Variants in SLC25A48 observed in about 807,000 individuals in gnomAD.
The protein encoded by SLC25A48 is solute carrier family 25 member 48.
SLC25A48 carries 29 observed loss-of-function variants against 32.2 expected under a neutral mutation model. The ratio of observed to expected loss-of-function variants is 0.90; its 90% CI spans 0.67 to 1.23. The LOEUF (loss-of-function observed/expected upper bound fraction) is 1.23. Ranked by LOEUF, SLC25A48 falls within the 50% of genes most tolerant of loss-of-function variation. The probability of loss-of-function intolerance (pLI) is 0.00; values close to 1 mark genes in which losing one functional copy is unlikely to be tolerated. For missense variants in SLC25A48, 399 were observed against 422.7 expected, an observed-to-expected ratio of 0.94 and a Z score of 0.49; for synonymous variants, 164 against 172.3, an observed-to-expected ratio of 0.95 and a Z score of 0.38.
At chr5:135,635,472 G>A (rs1378446306) in intron 3 of SLC25A48, among the ~76,000 whole-genome samples, 1 of 152,198 alleles carries the variant, frequency 6.6e-6, no homozygotes, top group Non-Finnish European at 1.5e-5. Flanking sequence ...CTCCAGCTGG[G>A]ATAAGAGATG....
At chr5:135,860,743 A>G (rs1760708498) in intron 4 of SLC25A48, among the ~76,000 whole-genome samples, 1 of 152,158 alleles carries the variant, frequency 6.6e-6, no homozygotes, top group African/African-American at 2.4e-5. Flanking sequence ...GGGCATTTCT[A>G]GGCAGCCTTG....
chr5:135,686,122 ATCT>A (rs1561790466), intron 3 of SLC25A48, among the ~76,000 whole-genome samples: 1 of 152,166 alleles, frequency 6.6e-6, no homozygotes, highest in East Asian at 1.9e-4. Flanking sequence ...CTGGGTTCAA[ATCT>A]TCTCATCACC....
chr5:135,619,139 G>A (rs1447051071), intron 1 of SLC25A48, among the ~76,000 whole-genome samples: 3 of 151,746 alleles, frequency 2.0e-5, no homozygotes, highest in Non-Finnish European at 4.4e-5. Context: ...ATGAATATTT[G>A]GTCACTTTAT....
At position 135,624,438 on chromosome 5, in the gene SLC25A48, AAG is replaced by A. The variant is rs564435207; in HGVS notation, c.-848-4794_-848-4793del. 1.6e-3 allele frequency among the ~76,000 whole-genome samples: 246 copies of A among 152,360 alleles called. 3 individuals carry two copies. Among genetic ancestry groups the A allele is most frequent in the African/African-American group, 5.6e-3 (232 of 41,582 alleles). ...GCATTGAATGAGTAAAACTAAGTAA[AAG>A]AGAGTCATTTTCATGTTAATATGGA... On this transcript the variant is annotated intron_variant, in intron 1 of 10. Coordinates refer to the SLC25A48 transcript ENST00000646290.
In SLC25A48 at chr5:135,880,752, C is replaced by T. The variant is rs139571635; in HGVS notation, c.*7+655C>T. Among the ~76,000 whole-genome samples, 68 of 152,244 alleles carry T rather than the reference C, an allele frequency of 4.5e-4. 1 individual carries two copies. Among genetic ancestry groups the T allele is most frequent in the Middle Eastern group, 3.4e-3 (1 of 294 alleles). On this transcript the variant is annotated intron_variant, in intron 7 of 7. Transcript: ENST00000681962. ...CTCCTCACCACTGTTCTGAATGTCC[C>T]GCCGTCTCTCTCACCCCTAGGTCTT...
At chr5:135,663,939 C>T (rs967201408) in intron 3 of SLC25A48, among the ~76,000 whole-genome samples, 11 of 152,324 alleles carry the variant, frequency 7.2e-5, no homozygotes, top group Admixed American at 5.2e-4. Context: ...GCACTGATGT[C>T]CTCCACCACG....
At chr5:135,636,862 C>T (rs982242376) in intron 3 of SLC25A48, among the ~76,000 whole-genome samples, 3 of 152,196 alleles carry the variant, frequency 2.0e-5, no homozygotes, top group Non-Finnish European at 4.4e-5. Context: ...AACCAAGCCA[C>T]GTTCTGCATC....
chr5:135,879,599 A>AGT (rs1435731336), intron 6 of SLC25A48, among the ~76,000 whole-genome samples: 3,955 of 138,662 alleles, frequency 0.029, 69 homozygotes, highest in Non-Finnish European at 0.041. Flanking sequence ...AGAGAGAGAG[A>AGT]GAGAGAGAGA....
chr5:135,760,337 A>G (rs1363892900), intron 3 of SLC25A48, among the ~76,000 whole-genome samples: 1 of 152,106 alleles, frequency 6.6e-6, no homozygotes, highest in African/African-American at 2.4e-5. Context: ...GATCCCACTC[A>G]GGTGTGGCGG....
chr5:135,766,777 T>C (rs1229671913), intron 3 of SLC25A48, among the ~76,000 whole-genome samples: 2 of 151,744 alleles, frequency 1.3e-5, no homozygotes, highest in Non-Finnish European at 2.9e-5. Context: ...GTTCATAATA[T>C]ACGGGGTGGG....
At chr5:135,873,694 C>T (rs556524887) in intron 5 of SLC25A48, among the ~76,000 whole-genome samples, 5 of 152,222 alleles carry the variant, frequency 3.3e-5, no homozygotes, top group East Asian at 3.9e-4. Flanking sequence ...AATACTGCCA[C>T]GTCTCGAGCA....
chr5:135,607,401 G>A (rs576828563), intron 1 of SLC25A48, among the ~76,000 whole-genome samples: 8 of 152,122 alleles, frequency 5.3e-5, no homozygotes, highest in Admixed American at 1.3e-4. Flanking sequence ...ATGTGTGCAC[G>A]CATTCATCCT....
chr5:135,856,454 C>T (rs566756240), intron 4 of SLC25A48, among the ~76,000 whole-genome samples: 85 of 152,318 alleles, frequency 5.6e-4, no homozygotes, highest in Non-Finnish European at 9.7e-4. Context: ...GCATCCCAGC[C>T]TAGCATCTCC....
rs181875498 is a variant in SLC25A48, at chr5:135,659,818, A to G, written c.-521+24862A>G. Among the ~76,000 whole-genome samples the G allele has an allele frequency of 3.6e-4, 55 of 152,300 alleles. No homozygotes were observed. In the East Asian group the frequency reaches 8.7e-3, roughly 24 times the overall value. On this transcript the variant is annotated intron_variant, in intron 3 of 10. Transcript: ENST00000646290. ...CAGGAGAGAGAGAAAGTAAAGGGGG[A>G]AGTGCTACATGCTTTTAAACAGCCA...
intron 3 of SLC25A48, among the ~76,000 whole-genome samples, chr5:135,661,751 C>A: frequency 6.6e-6 from 1 of 152,180 alleles, no homozygotes; most frequent in Non-Finnish European, 1.5e-5. Flanking sequence ...ACTACTTCAA[C>A]TTGCTTTTCT....
At chr5:135,659,500 C>T (rs937677046) in intron 3 of SLC25A48, among the ~76,000 whole-genome samples, 3 of 152,210 alleles carry the variant, frequency 2.0e-5, no homozygotes, top group African/African-American at 4.8e-5. Context: ...TTCCTGTCTT[C>T]TTCTGAGCCC....
chr5:135,713,610 C>T lies in SLC25A48; in HGVS notation c.-521+78654C>T, dbSNP rs1451406876. ...TAGCTTATAAGTAGCAGTACCGATG[C>T]TCCAACCTCAGGCTTCCAACTTTGC... On this transcript the variant is annotated intron_variant, in intron 3 of 10. Transcript: ENST00000646290. Among the ~76,000 whole-genome samples, 4 of 152,336 alleles carry T rather than the reference C, an allele frequency of 2.6e-5. No homozygotes were observed. The East Asian group carries it at 7.7e-4, about 29-fold the overall frequency.
chr5:135,772,970 G>T (rs1040326522), intron 3 of SLC25A48, among the ~76,000 whole-genome samples: 14 of 150,582 alleles, frequency 9.3e-5, no homozygotes, highest in Admixed American at 2.0e-4. Context: ...ACACCTCTCT[G>T]TGATATTGTT....
chr5:135,706,106 G>T (rs2126970126), intron 3 of SLC25A48, among the ~76,000 whole-genome samples: 1 of 152,262 alleles, frequency 6.6e-6, no homozygotes, highest in Non-Finnish European at 1.5e-5. Context: ...CCCAGACTTT[G>T]AGGCCGCCCC....
Sources: gnomAD v4.1 joint callset for allele counts (sites outside exome capture counted in the v4.1 genomes callset) on GRCh38, gnomAD v4.1.1 for gene constraint, MANE v1.5 for transcripts, NCBI Gene and HGNC (gene_info 2026-07-23, HGNC 2026-07-21) for gene names.